Variants in KDM3A observed in about 807,000 individuals in gnomAD.
KDM3A encodes the protein lysine demethylase 3A.
KDM3A carries 60 observed loss-of-function variants against 158.0 expected under a neutral mutation model. The ratio of observed to expected loss-of-function variants is 0.38; its 90% confidence interval spans 0.31 to 0.47. The LOEUF is 0.47. Ranked by LOEUF, KDM3A falls within the 20% of genes least tolerant of loss-of-function variation. KDM3A has a pLI of 0.99. For synonymous variants in KDM3A, 608 were observed against 549.3 expected, an observed-to-expected ratio of 1.11 and a Z score of -1.49; for missense variants, 1,319 against 1,574.3, an observed-to-expected ratio of 0.84 and a Z score of 2.74.
chr2:86,448,563 A>G (rs994276374), intron 2 of KDM3A, among the ~76,000 whole-genome samples: 1 of 152,210 alleles, frequency 6.6e-6, no homozygotes, highest in Non-Finnish European at 1.5e-5. Context: ...GAGTACAGTT[A>G]GTATGGGGAC....
chr2:86,454,251 T>C (rs1305810012), intron 4 of KDM3A, among the ~76,000 whole-genome samples: 1 of 152,212 alleles, frequency 6.6e-6, no homozygotes, highest in Non-Finnish European at 1.5e-5. Flanking sequence ...TTGGTCAGCT[T>C]TAAGGGGCCT....
At chr2:86,443,044 T>C (rs1328118806) in intron 2 of KDM3A, 1 of 152,114 alleles carries the variant, frequency 6.6e-6, no homozygotes, top group African/African-American at 2.4e-5. Context: ...AGTATTGATG[T>C]GAAAGGATTG....
At chr2:86,445,705 T>G (rs1558602153) in intron 2 of KDM3A, among the ~76,000 whole-genome samples, 1 of 152,224 alleles carries the variant, frequency 6.6e-6, no homozygotes, top group Non-Finnish European at 1.5e-5. Context: ...ATTGAAACTT[T>G]AATGTTAGTG....
chr2:86,481,622 G>A (rs1393425209), intron 16 of KDM3A, among the ~76,000 whole-genome samples: 1 of 152,076 alleles, frequency 6.6e-6, no homozygotes, highest in Non-Finnish European at 1.5e-5. Flanking sequence ...TGTGTAAAGA[G>A]AATGCTGCCA....
At chr2:86,484,396 C>G (rs1030663907) in intron 19 of KDM3A, among the ~76,000 whole-genome samples, 2 of 152,216 alleles carry the variant, frequency 1.3e-5, no homozygotes, top group African/African-American at 4.8e-5. Flanking sequence ...GGGTCAGTCT[C>G]TCTCTCTGAG....
chr2:86,456,380 A>C (rs1397836201), intron 5 of KDM3A, 62 bp from the exon 6 acceptor site: 1 of 1,145,172 alleles, frequency 8.7e-7, no homozygotes, highest in East Asian at 2.9e-5. Flanking sequence ...GTCCTGGATG[A>C]TGTTGCTATT....
chr2:86,448,803 C>A (rs962265256), intron 2 of KDM3A, among the ~76,000 whole-genome samples: 1 of 152,064 alleles, frequency 6.6e-6, no homozygotes, highest in African/African-American at 2.4e-5. Flanking sequence ...AATTTTAAAT[C>A]AAATAAAAAC....
chr2:86,442,537 T>A, intron 2 of KDM3A: 1 of 247,526 alleles, frequency 4.0e-6, no homozygotes, highest in Non-Finnish European at 7.8e-6. Flanking sequence ...AGGAGGAGTA[T>A]TTTTGTTAGC....
chr2:86,439,053 C>T (rs112865260), upstream of KDM3A, among the ~76,000 whole-genome samples: 20 of 151,738 alleles, frequency 1.3e-4, no homozygotes, highest in African/African-American at 3.1e-4. Context: ...TTCTGTGGTA[C>T]GTAACTTATA....
rs777717200 is a variant in KDM3A, at chr2:86,470,302, G to A, written c.1618G>A (p.Val540Met). The part of the protein sequence containing the change: ...FVQDDSCVNI[V>M]AQLPKCRECR... ...ACAGGATGATTCTTGTGTGAACATC[G>A]TGGCACAGTTGCCTAAATGCCGAGA... Residue 540 changes from valine to methionine, a missense_variant, in exon 11 of 26, where the codon GTG becomes ATG. Physicochemically the swap from Val to Met is conservative, Grantham distance 21. Around this residue, in one of 4 missense-constraint regions of KDM3A, gnomAD observed 113 missense variants for 190.5 expected, o/e 0.59. Transcript: ENST00000312912. 1.1e-5 allele frequency: 18 copies of A among 1,613,946 alleles called. No individual in the cohort carries two copies. Among genetic ancestry groups the A allele is most frequent in the African/African-American group, 5.3e-5 (4 of 74,904 alleles).
intron 16 of KDM3A, among the ~76,000 whole-genome samples, 183 bp from the exon 17 acceptor site, chr2:86,481,747 T>C (rs185844336): frequency 3.5e-4 from 54 of 152,320 alleles, no homozygotes; most frequent in Non-Finnish European, 6.2e-4. Flanking sequence ...TGGATAGTTA[T>C]TGTTTTTAAC....
Position 86,474,216 on chromosome 2 carries a change from C to T in KDM3A, c.1725-560C>T, listed in dbSNP as rs1004953454. Among the ~76,000 whole-genome samples, 3 of 152,182 alleles carry T rather than the reference C, an allele frequency of 2.0e-5. No individual in the cohort carries two copies. The East Asian group carries it at 5.8e-4, about 29-fold the overall frequency. On this transcript the variant is annotated intron_variant, in intron 11 of 25. Transcript: ENST00000312912. The stretch of plus-strand genomic sequence containing the variant: ...GTTTGAGTGCAAAATATACCTCTCT[C>T]CCCTTCTCCTCCCTCCTCTTTCCCC...
Position 86,464,166 on chromosome 2 carries a change from T to A in KDM3A, c.957T>A (p.Thr319=), listed in dbSNP as rs748178530. 1.2e-6 allele frequency: 2 copies of A among 1,611,552 alleles called. No homozygotes were observed. The highest frequency in any genetic ancestry group is 4.5e-5 in the East Asian group (2 of 44,784). ...PPSKDPRQQS[T]PQAANSPPNL... The stretch of plus-strand genomic sequence containing the variant: ...GTAAGGACCCAAGACAGCAAAGTAC[T>A]CCCCAGGCTGCCAACTCTCCACCTA... Residue 319 remains threonine, a synonymous_variant, in exon 9 of 26, where the codon ACT becomes ACA. Transcript: ENST00000312912.
rs1342444710 is a variant in KDM3A, at chr2:86,443,332, A to G, written c.186+1099A>G. 6 of 152,366 alleles carry G rather than the reference A, an allele frequency of 3.9e-5. No individual in the cohort carries two copies. The East Asian group carries it at 1.2e-3, about 29-fold the overall frequency. The allele number at this position is 152,366 out of a possible 1,614,324, so 9.4% of individuals were successfully genotyped here. A position where few individuals can be genotyped will look rare whatever the true frequency, so the allele number is the denominator to read the frequency against. On this transcript the variant is annotated intron_variant, in intron 2 of 25. Transcript: ENST00000312912. ...TTTCTGAAACACTGTTCATTTGAAC[A>G]CTTTCAGGGTGACAGTGTATGCCCA...
rs953711561 is a variant in KDM3A, at chr2:86,453,544, A to G, written c.454-1541A>G. ...CTATCTTGCACTTTCGTTAAGCCCT[A>G]AACTCTCCTAGGCAGCCTAATATTT... On this transcript the variant is annotated intron_variant, in intron 4 of 25. Coordinates refer to ENST00000312912, the MANE Select transcript of KDM3A (RefSeq NM_018433.6). 3.3e-5 allele frequency among the ~76,000 whole-genome samples: 5 copies of G among 152,218 alleles called. No homozygotes were observed. In the South Asian group the frequency reaches 1.0e-3, roughly 31 times the overall value.
Position 86,466,419 on chromosome 2 carries a change from C to G in KDM3A, c.1055C>G (p.Thr352Arg). ...LPEEISSCLNTKSEALRTKPD... is the reference protein window; with the variant it reads ...LPEEISSCLNRKSEALRTKPD... ...GAGGAAATTTCTTCCTGTCTAAATACAAAGTCTGAAGCTCTGAGAACAAAA... is the reference window on the plus strand; with the variant it reads ...GAGGAAATTTCTTCCTGTCTAAATAGAAAGTCTGAAGCTCTGAGAACAAAA... The change falls in exon 10 of 26, where the codon ACA becomes AGA. Residue 352 changes from threonine to arginine, a missense_variant. Around this residue, in one of 4 missense-constraint regions of KDM3A, gnomAD observed 652 missense variants for 627.2 expected, o/e 1.04. Transcript: ENST00000312912. The G allele has an allele frequency of 6.2e-7, 1 of 1,613,410 alleles. No individual in the cohort carries two copies. Among genetic ancestry groups the G allele is most frequent in the Non-Finnish European group, 8.5e-7 (1 of 1,179,618 alleles).
In KDM3A at chr2:86,492,704, T is replaced by C. The variant is rs1447249881; in HGVS notation, c.*585T>C. Reference sequence around the variant, plus strand: ...AAGTGTTAAGCATTTTGCATTAAAATATTCATATAATATTTTGGCTCAGTT... The same window carrying C: ...AAGTGTTAAGCATTTTGCATTAAAACATTCATATAATATTTTGGCTCAGTT... On this transcript the variant is annotated 3_prime_UTR_variant, in exon 26 of 26. Coordinates refer to ENST00000312912, the MANE Select transcript of KDM3A (RefSeq NM_018433.6). 6.6e-6 allele frequency: 1 copy of C among 152,464 alleles called. No individual in the cohort carries two copies. The highest frequency in any genetic ancestry group is 2.4e-5 in the African/African-American group (1 of 41,448). The allele number at this position is 152,464 out of a possible 1,614,324, so 9.4% of individuals were successfully genotyped here.
intron 8 of KDM3A, among the ~76,000 whole-genome samples, chr2:86,457,897 T>C (rs1349054953): frequency 6.6e-6 from 1 of 152,206 alleles, no homozygotes; most frequent in Non-Finnish European, 1.5e-5. Flanking sequence ...TATTCTGAAA[T>C]AGTTACCATT....
At chr2:86,457,641 G>A (rs567155523) in intron 8 of KDM3A, among the ~76,000 whole-genome samples, 12 of 152,290 alleles carry the variant, frequency 7.9e-5, no homozygotes, top group Middle Eastern at 6.8e-3. Flanking sequence ...TGTTCTTAAA[G>A]GTAAATTGAG....
Sources: gnomAD v4.1 joint callset for allele counts (sites outside exome capture counted in the v4.1 genomes callset) on GRCh38, gnomAD v4.1.1 for gene constraint, gnomAD v4.1.1 regional missense constraint, MANE v1.5 for transcripts, NCBI Gene and HGNC (gene_info 2026-07-23, HGNC 2026-07-21) for gene names.